CSMD1: variants seen among roughly 807,000 people sequenced by gnomAD.
CSMD1 encodes the protein CUB and Sushi multiple domains 1.
In CSMD1, 213 loss-of-function variants were observed where a neutral mutation model predicts 417.5. The ratio of observed to expected loss-of-function variants is 0.51; its 90% CI spans 0.46 to 0.57. The LOEUF (loss-of-function observed/expected upper bound fraction) is 0.57, where lower values mean the gene tolerates loss of function less well. CSMD1 is among the 20% of genes least tolerant of loss of function. The probability of loss-of-function intolerance (pLI) is 0.00; values close to 1 mark genes in which losing one functional copy is unlikely to be tolerated. For missense variants in CSMD1, 6,923 were observed against 4,529.7 expected (o/e 1.53, Z -15.17); for synonymous variants, 2,862 against 1,736.8 (o/e 1.65, Z -16.11).
At chr8:4,576,001 T>C (rs1250351091) in intron 2 of CSMD1, among the ~76,000 whole-genome samples, 2 of 152,218 alleles carry the variant, frequency 1.3e-5, no homozygotes, top group African/African-American at 2.4e-5. Flanking sequence ...CAAGCTGCCG[T>C]GATCTCTTGG....
At chr8:3,157,522 G>A (rs1819608474) in intron 39 of CSMD1, among the ~76,000 whole-genome samples, 2 of 152,170 alleles carry the variant, frequency 1.3e-5, no homozygotes, top group South Asian at 4.1e-4. Context: ...CTGGGAACTT[G>A]TTTTTTCTGA....
intron 12 of CSMD1, among the ~76,000 whole-genome samples, chr8:3,463,599 CTTTCT>C (rs1816639003): frequency 1.3e-5 from 2 of 152,204 alleles, no homozygotes; most frequent in African/African-American, 4.8e-5. Context: ...CATGAGCTCA[CTTTCT>C]ACAAGGACCA....
chr8:4,865,622 C>G (rs541599325), intron 1 of CSMD1, among the ~76,000 whole-genome samples: 1 of 151,818 alleles, frequency 6.6e-6, no homozygotes, highest in African/African-American at 2.4e-5. Context: ...TCCATTTTTA[C>G]GAAGATCTAA....
intron 1 of CSMD1, among the ~76,000 whole-genome samples, chr8:4,989,734 G>C (rs1811365524): frequency 6.6e-6 from 1 of 152,196 alleles, no homozygotes; most frequent in Non-Finnish European, 1.5e-5. Flanking sequence ...GCGCAATAGA[G>C]AGTATTTAAT....
chr8:3,889,025 T>G (rs1199694453), intron 5 of CSMD1, among the ~76,000 whole-genome samples: 1 of 152,122 alleles, frequency 6.6e-6, no homozygotes, highest in African/African-American at 2.4e-5. Context: ...TTACCATAAT[T>G]GCCATTTCAT....
intron 3 of CSMD1, among the ~76,000 whole-genome samples, chr8:4,223,718 A>T (rs1440646693): frequency 6.6e-6 from 1 of 152,228 alleles, no homozygotes; most frequent in Non-Finnish European, 1.5e-5. Flanking sequence ...TTGTTATCTG[A>T]AAAATGAGGA....
intron 49 of CSMD1, among the ~76,000 whole-genome samples, chr8:3,069,308 A>G (rs1179464680): frequency 3.3e-5 from 5 of 151,934 alleles, no homozygotes; most frequent in African/African-American, 9.7e-5. Flanking sequence ...GGTGGCAGGC[A>G]TCTGTAATCC....
chr8:4,033,860 G>A (rs1184221365), intron 3 of CSMD1, among the ~76,000 whole-genome samples: 1 of 152,052 alleles, frequency 6.6e-6, no homozygotes, highest in African/African-American at 2.4e-5. Flanking sequence ...AACTGAAACG[G>A]TACATCATTC....
chr8:4,850,435 C>A (rs1050112112), intron 1 of CSMD1, among the ~76,000 whole-genome samples: 3 of 73,118 alleles, frequency 4.1e-5, no homozygotes, highest in Non-Finnish European at 7.9e-5. Context: ...AACATCTTTA[C>A]TCTTTTTTCA....
intron 2 of CSMD1, among the ~76,000 whole-genome samples, chr8:4,534,891 T>G (rs898588295): frequency 2.0e-5 from 3 of 152,048 alleles, no homozygotes; most frequent in Non-Finnish European, 4.4e-5. Context: ...GCCTCCCAAG[T>G]AGCTGGGACT....
chr8:3,160,485 G>T (rs569613964), intron 38 of CSMD1, among the ~76,000 whole-genome samples: 1 of 152,186 alleles, frequency 6.6e-6, no homozygotes, highest in African/African-American at 2.4e-5. Context: ...GATTCAGCCT[G>T]AATAGCTTGA....
intron 37 of CSMD1, among the ~76,000 whole-genome samples, chr8:3,173,577 G>C (rs747730489): frequency 1.6e-4 from 25 of 152,176 alleles, no homozygotes; most frequent in African/African-American, 5.8e-4. Flanking sequence ...AATGCAGTAA[G>C]TGTCTTAACA....
intron 9 of CSMD1, among the ~76,000 whole-genome samples, chr8:3,584,351 GA>G (rs1291536491): frequency 1.3e-5 from 2 of 152,008 alleles, no homozygotes; most frequent in Non-Finnish European, 2.9e-5. Flanking sequence ...GAGACCCTGC[GA>G]AAAAAGTGTT....
rs181517185 is a variant in CSMD1, at chr8:3,522,814, G to A, written c.1345-29088C>T. 3.9e-3 allele frequency among the ~76,000 whole-genome samples: 592 copies of A among 150,724 alleles called. 2 individuals are homozygous for A. Among genetic ancestry groups the A allele is most frequent in the South Asian group, 0.024 (114 of 4,744 alleles). On this transcript the variant is annotated intron_variant, in intron 10 of 69. Coordinates refer to ENST00000635120, the MANE Select transcript of CSMD1 (RefSeq NM_033225.6). ...TTTTCATGGTTACATATTAAATTAC[G>A]TATTTTATTTGACATATAATTTGTT...
At chr8:3,934,530 G>C (rs1032151185) in intron 5 of CSMD1, among the ~76,000 whole-genome samples, 4 of 152,120 alleles carry the variant, frequency 2.6e-5, no homozygotes, top group Non-Finnish European at 5.9e-5. Context: ...CTAAACAAGT[G>C]CTGCCTTTAT....
rs141968443 is a variant in CSMD1, at chr8:3,021,020, T to C, written c.7856-2370A>G. ...GTCCTTCAACTATGATATTTAAAGATCCATTTGTAGCAATTTAAGATAATT... is the reference window on the plus strand; with the variant it reads ...GTCCTTCAACTATGATATTTAAAGACCCATTTGTAGCAATTTAAGATAATT... On this transcript the variant is annotated intron_variant, in intron 51 of 69. Transcript: ENST00000635120. Among the ~76,000 whole-genome samples, 47 of 152,336 alleles carry C rather than the reference T, an allele frequency of 3.1e-4. No individual in the cohort carries two copies. The Middle Eastern group carries it at 0.02, about 66-fold the overall frequency.
chr8:3,968,746 T>G (rs1415494020), intron 5 of CSMD1, among the ~76,000 whole-genome samples: 1 of 152,152 alleles, frequency 6.6e-6, no homozygotes, highest in African/African-American at 2.4e-5. Context: ...TTAAGCAGCC[T>G]CAACAACCAA....
chr8:4,658,755 T>C (rs1211966268), intron 1 of CSMD1, among the ~76,000 whole-genome samples: 4 of 152,166 alleles, frequency 2.6e-5, no homozygotes. Context: ...ATTTTTCTTC[T>C]ATATGATTTA....
intron 3 of CSMD1, among the ~76,000 whole-genome samples, chr8:4,082,064 G>C (rs928480808): frequency 6.6e-6 from 1 of 152,074 alleles, no homozygotes; most frequent in South Asian, 2.1e-4. Flanking sequence ...TTAGGGGAAA[G>C]ATTAATTGAT....
Sources: allele counts gnomAD v4.1 joint callset (sites outside exome capture counted in the v4.1 genomes callset), GRCh38; gene constraint gnomAD v4.1.1; transcripts MANE v1.5; gene names NCBI Gene and HGNC (gene_info 2026-07-23, HGNC 2026-07-21).